TMEM63A: variants seen among roughly 807,000 people sequenced by gnomAD.
TMEM63A encodes the protein transmembrane protein 63A.
A neutral mutation model predicts 100.6 loss-of-function variants in TMEM63A; 76 were observed. The ratio of observed to expected loss-of-function variants is 0.76; its 90% CI spans 0.63 to 0.91. The LOEUF is 0.91. Ranked by LOEUF, TMEM63A falls within the 40% of genes least tolerant of loss-of-function variation. The pLI is 0.00. For missense variants in TMEM63A, 876 were observed against 1,008.8 expected, an observed-to-expected ratio of 0.87 and a Z score of 1.78; for synonymous variants, 401 against 401.1, an observed-to-expected ratio of 1.00 and a Z score of 0.00.
intron 17 of TMEM63A, 80 bp downstream of exon 17, chr1:225,856,571 AC>A: frequency 6.8e-7 from 1 of 1,471,244 alleles, no homozygotes; most frequent in Non-Finnish European, 9.4e-7. Flanking sequence ...CTGCTGCCAA[AC>A]CGTTTGCATT....
chr1:225,873,603 A>G (rs1316044144), intron 4 of TMEM63A, among the ~76,000 whole-genome samples: 1 of 152,144 alleles, frequency 6.6e-6, no homozygotes. Flanking sequence ...CAGATCCAGA[A>G]TTCACTGTCA....
intron 6 of TMEM63A, among the ~76,000 whole-genome samples, chr1:225,870,463 C>T (rs1263595216): frequency 1.3e-5 from 2 of 150,860 alleles, no homozygotes; most frequent in African/African-American, 4.9e-5. Context: ...CGCCTCCTGG[C>T]TCCCTACACC....
At chr1:225,844,513 C>G (rs140207745), downstream of TMEM63A, 15 of 1,614,004 alleles carry the variant, frequency 9.3e-6, no homozygotes, top group Non-Finnish European at 1.2e-5. Context: ...TCTCCCTGGA[C>G]GACCTGCTGA....
chr1:225,868,511 T>C (rs1301586108), intron 6 of TMEM63A, among the ~76,000 whole-genome samples: 2 of 148,172 alleles, frequency 1.3e-5, no homozygotes, highest in Non-Finnish European at 3.0e-5. Context: ...CTGTCTCTAC[T>C]AAAAAATACT....
chr1:225,861,454 A>G (rs1471712616), intron 13 of TMEM63A: 2 of 153,340 alleles, frequency 1.3e-5, no homozygotes, highest in Admixed American at 1.3e-4. Context: ...CACCATCTCA[A>G]CAGGTCACAG....
At position 225,845,861 on chromosome 1, in the gene TMEM63A, G is replaced by A. The variant is rs985805629; in HGVS notation, c.*1078C>T. ...CCCCCCAGGCCAGCGGACAGGCACA[G>A]GCAGGGCCTACAGAGGTGCCAAGGC... is the stretch of plus-strand genomic sequence containing the variant. On this transcript the variant is annotated 3_prime_UTR_variant, in exon 25 of 25. Transcript: ENST00000366835. 1.4e-5 allele frequency: 3 copies of A among 219,318 alleles called. No homozygotes were observed. The highest frequency in any genetic ancestry group is 6.9e-5 in the African/African-American group (3 of 43,518). The allele number at this position is 219,318 out of a possible 1,614,324, so 13.6% of individuals were successfully genotyped here. A position where few individuals can be genotyped will look rare whatever the true frequency, so the allele number is the denominator to read the frequency against.
At chr1:225,843,471 G>A (rs1255285287), downstream of TMEM63A, among the ~76,000 whole-genome samples, 1 of 152,180 alleles carries the variant, frequency 6.6e-6, no homozygotes, top group Non-Finnish European at 1.5e-5. Flanking sequence ...GCCTTCGTCT[G>A]GGATCTGTTT....
intron 20 of TMEM63A, among the ~76,000 whole-genome samples, chr1:225,851,249 C>T (rs1196884156): frequency 6.6e-6 from 1 of 152,256 alleles, no homozygotes; most frequent in African/African-American, 2.4e-5. Flanking sequence ...GATCCCTGCC[C>T]TCATCACAGT....
chr1:225,847,502 G>A (rs534814500), intron 23 of TMEM63A: 6 of 315,438 alleles, frequency 1.9e-5, no homozygotes, highest in East Asian at 1.7e-4. Flanking sequence ...GATCCTAGGA[G>A]GATTTCTCAC....
At chr1:225,871,174 A>G in intron 5 of TMEM63A, 61 bp from the exon 6 acceptor site, 2 of 1,549,306 alleles carry the variant, frequency 1.3e-6, no homozygotes, top group Non-Finnish European at 1.8e-6. Context: ...GGCAGATGTA[A>G]CCATTGTCTT....
At chr1:225,842,030 T>C (rs148318289), downstream of TMEM63A, among the ~76,000 whole-genome samples, 228 of 152,332 alleles carry the variant, frequency 1.5e-3, 3 homozygotes, top group African/African-American at 2.4e-3. Context: ...GCACATAGAC[T>C]GAAAAACCCC....
In TMEM63A at chr1:225,853,916, C is replaced by T; in HGVS notation, c.1635-125G>A. The T allele has an allele frequency of 1.0e-6, 1 of 962,204 alleles. No homozygotes were observed. Among genetic ancestry groups the T allele is most frequent in the Admixed American group, 3.2e-5 (1 of 30,988 alleles). The allele number at this position is 962,204 out of a possible 1,614,324, so 59.6% of individuals were successfully genotyped here. On this transcript the variant is annotated intron_variant, in intron 18 of 24. Coordinates refer to ENST00000366835, the MANE Select transcript of TMEM63A (RefSeq NM_014698.3). The surrounding 1 kb of genome is among the most constrained non-coding windows in gnomAD (Gnocchi z 4.0). ...TGTATACTCTTCCGTTCATTCAGCA[C>T]ATATTTGGGAAACACATCTGTGTGC... is the stretch of plus-strand genomic sequence containing the variant.
intron 18 of TMEM63A, among the ~76,000 whole-genome samples, chr1:225,855,650 A>C (rs1309638988): frequency 1.3e-5 from 2 of 152,152 alleles, no homozygotes; most frequent in African/African-American, 4.8e-5. Flanking sequence ...CTGGCCTAAA[A>C]AATTAACCAC....
At chr1:225,861,847 GC>G in intron 13 of TMEM63A, 1 of 263,390 alleles carries the variant, frequency 3.8e-6, no homozygotes, top group South Asian at 5.6e-5. Context: ...AGGATCTGTG[GC>G]CCAGAGCAGA....
Position 225,862,835 on chromosome 1 carries a change from A to G in TMEM63A, c.763T>C (p.Cys255Arg). Reference sequence around the variant, plus strand: ...CACAGCTGCACATCAACCACCTCACACGTGGGATACGCGTCCCTGTGGCCA... The same window carrying G: ...CACAGCTGCACATCAACCACCTCACGCGTGGGATACGCGTCCCTGTGGCCA... The part of the protein sequence containing the change: ...ESHFRDAYPT[C>R]EVVDVQLCYN... The change falls in exon 11 of 25, where the codon TGT becomes CGT. Residue 255 changes from cysteine (C) to arginine (R), a missense_variant. Physicochemically the swap from Cys to Arg is radical, Grantham distance 180. This residue lies in a region of TMEM63A where 487 missense variants were observed against 581.9 expected (regional missense o/e 0.84). Transcript: ENST00000366835. This position sits in a 1 kb window ranked among gnomAD's most constrained non-coding sequence, Gnocchi z 5.1. 6.2e-7 allele frequency: 1 copy of G among 1,613,780 alleles called. No individual in the cohort carries two copies. The highest frequency in any genetic ancestry group is 8.5e-7 in the Non-Finnish European group (1 of 1,179,946).
downstream of TMEM63A, among the ~76,000 whole-genome samples, chr1:225,841,726 C>T (rs1007016332): frequency 1.3e-5 from 2 of 151,954 alleles, no homozygotes; most frequent in African/African-American, 2.4e-5. Flanking sequence ...CTCAGCCTCC[C>T]AAGTAGCTGG....
In TMEM63A at chr1:225,862,783, A is replaced by G; in HGVS notation, c.815T>C (p.Leu272Pro). Residue 272 changes from leucine (L) to proline (P), a missense_variant, in exon 11 of 25, where the codon CTG becomes CCG. By Grantham distance (98) the Leu-to-Pro change is moderately conservative. Around this residue, in one of 5 missense-constraint regions of TMEM63A, gnomAD observed 487 missense variants for 581.9 expected, o/e 0.84. Transcript: ENST00000366835. This position sits in a 1 kb window ranked among gnomAD's most constrained non-coding sequence, Gnocchi z 5.1. ...LCYNVAKLIY[L>P]CKEKKKTEKS... ...GCCCACCACTCACTTCTCCTTGCAC[A>G]GGTAGATCAGTTTGGCCACGTTGTA... 6.2e-7 allele frequency: 1 copy of G among 1,614,024 alleles called. No homozygotes were observed. Among genetic ancestry groups the G allele is most frequent in the Non-Finnish European group, 8.5e-7 (1 of 1,179,992 alleles).
In TMEM63A at chr1:225,847,107, G is replaced by C; in HGVS notation, c.2357C>G (p.Thr786Ser). The C allele has an allele frequency of 6.2e-7, 1 of 1,613,918 alleles. No homozygotes were observed. The highest frequency in any genetic ancestry group is 8.5e-7 in the Non-Finnish European group (1 of 1,180,038). Residue 786 changes from threonine to serine, a missense_variant, in exon 24 of 25, where the codon ACT becomes AGT. This residue lies in a region of TMEM63A where 339 missense variants were observed against 342.3 expected (regional missense o/e 0.99). Coordinates refer to ENST00000366835, the MANE Select transcript of TMEM63A (RefSeq NM_014698.3). The part of the protein sequence containing the change: ...TYGAIHNISG[T>S]IPGQCLAQSA... ...CTGCGCCAAGCACTGTCCAGGGATA[G>C]TCCCGCTGATGTTGTGGATGGCACC...
At position 225,846,755 on chromosome 1, in the gene TMEM63A, G is replaced by A. The variant is rs992881759; in HGVS notation, c.*184C>T. The A allele has an allele frequency of 3.6e-5, 12 of 334,554 alleles. No homozygotes were observed. Among genetic ancestry groups the A allele is most frequent in the East Asian group, 1.5e-4 (3 of 20,172 alleles). 20.7% of individuals were successfully genotyped at this position (334,554 alleles called of 1,614,324 possible). A position where few individuals can be genotyped will look rare whatever the true frequency, so the allele number is the denominator to read the frequency against. On this transcript the variant is annotated 3_prime_UTR_variant, in exon 25 of 25. Transcript: ENST00000366835. ...AGCTGCAGAGCTGGAAGCTTGTGCC[G>A]GAGGGGAAACTGGGTGAGCAAGGGA... is the stretch of plus-strand genomic sequence containing the variant.
Sources: gnomAD v4.1 joint callset for allele counts (sites outside exome capture counted in the v4.1 genomes callset) on GRCh38, gnomAD v4.1.1 for gene constraint, gnomAD v4.1.1 regional missense constraint, Gnocchi (gnomAD v3.1) non-coding constraint, MANE v1.5 for transcripts, NCBI Gene and HGNC (gene_info 2026-07-23, HGNC 2026-07-21) for gene names.